Variants in NEGR1 observed in about 807,000 individuals in gnomAD.
NEGR1 encodes the protein IgLON family member 4.
Under a neutral mutation model 40.9 loss-of-function variants are expected in NEGR1, and 10 were observed. That is an observed-to-expected ratio of 0.24 (90% confidence interval 0.15 to 0.42). The LOEUF (loss-of-function observed/expected upper bound fraction) is 0.42. Ranked by LOEUF, NEGR1 falls within the 10% of genes least tolerant of loss-of-function variation. NEGR1 has a pLI of 1.00. For synonymous variants in NEGR1, 185 were observed against 166.8 expected (o/e 1.11, Z -0.84); for missense variants, 352 against 438.9 (o/e 0.80, Z 1.77).
At chr1:72,144,601 G>A (rs2100342563) in intron 1 of NEGR1, among the ~76,000 whole-genome samples, 1 of 152,010 alleles carries the variant, frequency 6.6e-6, no homozygotes, top group South Asian at 2.1e-4. Flanking sequence ...TTTCACCATT[G>A]ATGTTCCTTA....
intron 1 of NEGR1, among the ~76,000 whole-genome samples, chr1:72,050,278 G>A (rs1044443075): frequency 6.6e-6 from 1 of 151,428 alleles, no homozygotes; most frequent in African/African-American, 2.4e-5. Flanking sequence ...TATGCTCACT[G>A]TTATTGAAAG....
chr1:72,167,438 TAAGTA>T (rs1420237135), intron 1 of NEGR1, among the ~76,000 whole-genome samples: 1 of 152,138 alleles, frequency 6.6e-6, no homozygotes, highest in East Asian at 1.9e-4. Flanking sequence ...TCATATTTTC[TAAGTA>T]AATATAACTT....
At chr1:71,428,091 C>CA (rs1482324191) in intron 6 of NEGR1, among the ~76,000 whole-genome samples, 19 of 152,090 alleles carry the variant, frequency 1.2e-4, no homozygotes, top group African/African-American at 4.1e-4. Flanking sequence ...ACTGAAAGGG[C>CA]AGAGGAAGAC....
At chr1:71,531,106 T>G (rs1236974353) in intron 6 of NEGR1, among the ~76,000 whole-genome samples, 4 of 151,368 alleles carry the variant, frequency 2.6e-5, no homozygotes, top group Non-Finnish European at 5.9e-5. Context: ...TTGAATTTTT[T>G]TCTAAGAAGC....
intron 3 of NEGR1, among the ~76,000 whole-genome samples, chr1:71,715,651 C>A (rs1654247618): frequency 6.6e-6 from 1 of 152,162 alleles, no homozygotes; most frequent in Non-Finnish European, 1.5e-5. Context: ...TTACACAGAT[C>A]TCGAGGGCAG....
At chr1:72,073,728 T>C (rs926839525) in intron 1 of NEGR1, among the ~76,000 whole-genome samples, 3 of 152,036 alleles carry the variant, frequency 2.0e-5, no homozygotes, top group East Asian at 1.9e-4. Context: ...GACTCAAGAT[T>C]ACTTAAGCTA....
intron 2 of NEGR1, among the ~76,000 whole-genome samples, chr1:71,796,828 A>C (rs1657345849): frequency 6.6e-6 from 1 of 152,132 alleles, no homozygotes; most frequent in Non-Finnish European, 1.5e-5. Context: ...AGGGGACACA[A>C]ATTCACTTCC....
At chr1:71,764,268 C>T (rs1374225657) in intron 3 of NEGR1, among the ~76,000 whole-genome samples, 1 of 152,120 alleles carries the variant, frequency 6.6e-6, no homozygotes, top group African/African-American at 2.4e-5. Flanking sequence ...AAGCAAATTT[C>T]TAACTTGACT....
intron 1 of NEGR1, among the ~76,000 whole-genome samples, chr1:71,947,087 CAT>C (rs201223956): frequency 6.3e-5 from 7 of 111,198 alleles, no homozygotes; most frequent in Non-Finnish European, 1.1e-4. Context: ...GATCCTGTCT[CAT>C]ACACACACAC....
chr1:71,827,401 A>G (rs1232906749), intron 2 of NEGR1, among the ~76,000 whole-genome samples: 3 of 151,768 alleles, frequency 2.0e-5, no homozygotes, highest in African/African-American at 7.3e-5. Flanking sequence ...ACCAACAAGA[A>G]TCTTGTCACA....
chr1:71,903,824 TTA>T (rs887685330), intron 2 of NEGR1, among the ~76,000 whole-genome samples: 14 of 150,508 alleles, frequency 9.3e-5, no homozygotes, highest in African/African-American at 2.2e-4. Flanking sequence ...TCTCTCTCTA[TTA>T]TATATATATA....
chr1:72,033,928 C>G (rs1290587577), intron 1 of NEGR1, among the ~76,000 whole-genome samples: 1 of 152,122 alleles, frequency 6.6e-6, no homozygotes, highest in Non-Finnish European at 1.5e-5. Context: ...TATCATTACC[C>G]AGAAACATTG....
At chr1:71,680,347 A>G (rs1185705913) in intron 4 of NEGR1, among the ~76,000 whole-genome samples, 1 of 152,078 alleles carries the variant, frequency 6.6e-6, no homozygotes, top group Non-Finnish European at 1.5e-5. Flanking sequence ...TGTTAAAGAA[A>G]TTATTTTTAG....
intron 2 of NEGR1, among the ~76,000 whole-genome samples, chr1:71,841,421 G>T (rs540780063): frequency 1.5e-4 from 23 of 152,160 alleles, no homozygotes; most frequent in South Asian, 1.0e-3. Flanking sequence ...ACATCATGTT[G>T]TCAAACCCCA....
chr1:71,704,752 G>A (rs1484217387), intron 3 of NEGR1, among the ~76,000 whole-genome samples: 1 of 151,444 alleles, frequency 6.6e-6, no homozygotes, highest in African/African-American at 2.4e-5. Context: ...AAATGGAGTG[G>A]GTTAATGCTC....
At chr1:71,904,813 A>T (rs1036954728) in intron 2 of NEGR1, among the ~76,000 whole-genome samples, 17 of 152,154 alleles carry the variant, frequency 1.1e-4, no homozygotes, top group Non-Finnish European at 2.5e-4. Flanking sequence ...TTTACTATTG[A>T]TGCACACATT....
In NEGR1 at chr1:71,823,138, A is replaced by G. The variant is rs1228384737; in HGVS notation, c.410-46841T>C. On this transcript the variant is annotated intron_variant, in intron 2 of 6. Coordinates refer to ENST00000357731, the MANE Select transcript of NEGR1 (RefSeq NM_173808.3). ...TCTCTACAATGCATACTTCGGAATC[A>G]GGCTCAAATATCCCAATGTATAGAG... Among the ~76,000 whole-genome samples, 3 of 151,800 alleles carry G rather than the reference A, an allele frequency of 2.0e-5. No individual in the cohort carries two copies. The East Asian group carries it at 5.9e-4, about 30-fold the overall frequency.
chr1:71,872,091 T>C lies in NEGR1; in HGVS notation c.409+62988A>G, dbSNP rs147957294. Among the ~76,000 whole-genome samples the C allele has an allele frequency of 6.2e-4, 94 of 152,290 alleles. No homozygotes were observed. The East Asian group carries it at 0.018, about 29-fold the overall frequency. ...ATAAATGATGACAACATAGGAGATG[T>C]CATAAAATTGGTGAACAACTATAGT... is the stretch of plus-strand genomic sequence containing the variant. On this transcript the variant is annotated intron_variant, in intron 2 of 6. Coordinates refer to ENST00000357731, the MANE Select transcript of NEGR1 (RefSeq NM_173808.3).
intron 2 of NEGR1, among the ~76,000 whole-genome samples, chr1:71,779,987 AG>A (rs11312832): frequency 0.031 from 4,339 of 141,310 alleles, 206 homozygotes; most frequent in African/African-American, 0.11. Context: ...GGTATAGAGA[AG>A]GGTTTTGGAT....
Sources: allele counts gnomAD v4.1 joint callset (sites outside exome capture counted in the v4.1 genomes callset), GRCh38; gene constraint gnomAD v4.1.1; transcripts MANE v1.5; gene names NCBI Gene and HGNC (gene_info 2026-07-23, HGNC 2026-07-21).